Variants in ZNHIT3 observed in about 807,000 individuals in gnomAD.
ZNHIT3 encodes zinc finger HIT-type containing 3.
ZNHIT3 carries 27 observed loss-of-function variants against 19.9 expected under a neutral mutation model. That is an observed-to-expected ratio of 1.36 (90% CI 1.00 to 1.87). The LOEUF is 1.87. ZNHIT3 is among the 40% of genes most tolerant of loss of function. The pLI, the probability that ZNHIT3 is intolerant of heterozygous loss-of-function variation, is 0.00. For missense variants in ZNHIT3, 215 were observed against 185.6 expected (o/e 1.16, Z -0.92); for synonymous variants, 81 against 65.7 (o/e 1.23, Z -1.13).
intron 2 of ZNHIT3, chr17:36,490,516 G>C (rs530719096): frequency 6.6e-6 from 1 of 152,270 alleles, no homozygotes; most frequent in East Asian, 1.9e-4. Flanking sequence ...CCAAGTAGTG[G>C]TGATGCCTCC....
intron 2 of ZNHIT3, 30 bp downstream of exon 2, chr17:36,486,996 C>T (rs745814158): frequency 6.2e-7 from 1 of 1,610,006 alleles, no homozygotes; most frequent in Admixed American, 1.7e-5. Context: ...GCCCTCGTAC[C>T]ACTGCGCACG....
downstream of ZNHIT3, chr17:36,498,470 C>T (rs780142765): frequency 2.0e-5 from 32 of 1,613,938 alleles, no homozygotes; most frequent in African/African-American, 1.1e-4. Context: ...TGGTCTGCAG[C>T]GGCGAGGTGC....
chr17:36,493,018 G>A (rs896590597), intron 3 of ZNHIT3, 119 bp downstream of exon 3: 2 of 940,208 alleles, frequency 2.1e-6, no homozygotes, highest in Non-Finnish European at 3.4e-6. Flanking sequence ...GGAAGGAACA[G>A]CTTCCTTAGC....
intron 3 of ZNHIT3, chr17:36,493,147 G>T: frequency 1.8e-6 from 1 of 555,380 alleles, no homozygotes; most frequent in Non-Finnish European, 3.2e-6. Context: ...CATGGCTGTG[G>T]TTTGGGGGTT....
In ZNHIT3 at chr17:36,487,969, G is replaced by A. The variant is rs1218723577; in HGVS notation, c.118+1003G>A. Among the ~76,000 whole-genome samples, 5 of 151,358 alleles carry A rather than the reference G, an allele frequency of 3.3e-5. No homozygotes were observed. The East Asian group carries it at 9.8e-4, about 30-fold the overall frequency. Reference sequence around the variant, plus strand: ...CAAACAAAGCCAGGCGTGGTGGCCTGTGCCAGTGGTCCCAGCTACTCAGGA... The same window carrying A: ...CAAACAAAGCCAGGCGTGGTGGCCTATGCCAGTGGTCCCAGCTACTCAGGA... On this transcript the variant is annotated intron_variant, in intron 2 of 4. Transcript: ENST00000617429.
chr17:36,486,848 G>T, intron 1 of ZNHIT3, 63 bp downstream of exon 1: 1 of 1,592,572 alleles, frequency 6.3e-7, no homozygotes, highest in Non-Finnish European at 8.5e-7. Context: ...AGGGCGGGAG[G>T]CCGGGAGGCC....
chr17:36,487,858 C>G (rs538347253), intron 2 of ZNHIT3, among the ~76,000 whole-genome samples: 2 of 151,580 alleles, frequency 1.3e-5, no homozygotes, highest in South Asian at 4.2e-4. Context: ...AATCCCAGCA[C>G]TTTGGGAGGC....
rs2070806797 is a variant in ZNHIT3, at chr17:36,494,146, T to A, written c.286+140T>A. 6.2e-6 allele frequency: 4 copies of A among 643,816 alleles called. No homozygotes were observed. In the Admixed American group the frequency reaches 8.3e-5, roughly 13 times the overall value. The allele number at this position is 643,816 out of a possible 1,614,324, so 39.9% of individuals were successfully genotyped here. On this transcript the variant is annotated intron_variant, in intron 4 of 4. Coordinates refer to ENST00000617429, the MANE Select transcript of ZNHIT3 (RefSeq NM_004773.4). Reference sequence around the variant, plus strand: ...TATCTAGCCACATAATCTGTAAACATACAGGGTTTCACACCTCCCAGCCTG... The same window carrying A: ...TATCTAGCCACATAATCTGTAAACAAACAGGGTTTCACACCTCCCAGCCTG...
At chr17:36,494,062 T>C (rs1599156444) in intron 4 of ZNHIT3, 56 bp downstream of exon 4, 2 of 1,414,426 alleles carry the variant, frequency 1.4e-6, no homozygotes, top group Non-Finnish European at 2.0e-6. Flanking sequence ...GTTGTAAGGA[T>C]TGTGATTTTT....
chr17:36,496,282 A>T, downstream of ZNHIT3: 2 of 1,614,048 alleles, frequency 1.2e-6, no homozygotes, highest in Non-Finnish European at 1.7e-6. Context: ...AGAAGAGGTC[A>T]CGTGGATCAG....
chr17:36,497,516 T>G (rs1352076866), downstream of ZNHIT3: 5 of 984,788 alleles, frequency 5.1e-6, no homozygotes, highest in Non-Finnish European at 4.8e-6. Flanking sequence ...AAGTCTTGGG[T>G]AGTTTCTTTT....
intron 4 of ZNHIT3, among the ~76,000 whole-genome samples, chr17:36,494,556 A>G (rs913438176): frequency 2.0e-5 from 3 of 152,208 alleles, no homozygotes; most frequent in Admixed American, 2.0e-4. Flanking sequence ...TTACATGTGC[A>G]TGGGGTCTGT....
At chr17:36,496,325 C>T, downstream of ZNHIT3, 2 of 1,613,972 alleles carry the variant, frequency 1.2e-6, no homozygotes, top group East Asian at 4.5e-5. Context: ...TGATTAAAGC[C>T]TGTAATGCTG....
rs780513944 is a variant in ZNHIT3, at chr17:36,495,405, G to A, written c.*1G>A. ...GCCATCCCAGAATGAGGAGTCTTAA[G>A]ATGGATTATTGTGCTGCTTGCTCAA... On this transcript the variant is annotated 3_prime_UTR_variant, in exon 5 of 5. Coordinates refer to ENST00000617429, the MANE Select transcript of ZNHIT3 (RefSeq NM_004773.4). The A allele has an allele frequency of 1.3e-6, 2 of 1,598,384 alleles. No individual in the cohort carries two copies. The highest frequency in any genetic ancestry group is 4.5e-5 in the East Asian group (2 of 44,516).
Position 36,495,553 on chromosome 17 carries a change from T to TTGA in ZNHIT3, c.*152_*154dup, listed in dbSNP as rs971532413. 438 of 1,326,306 alleles carry TTGA rather than the reference T, an allele frequency of 3.3e-4. 2 individuals are homozygous for TTGA. Among genetic ancestry groups the TTGA allele is most frequent in the Non-Finnish European group, 3.0e-4 (313 of 1,041,692 alleles). The allele number at this position is 1,326,306 out of a possible 1,614,324, so 82.2% of individuals were successfully genotyped here. A position where few individuals can be genotyped will look rare whatever the true frequency, so the allele number is the denominator to read the frequency against. On this transcript the variant is annotated 3_prime_UTR_variant, in exon 5 of 5. Transcript: ENST00000617429. ...TAGGTCATGCAGGCCTTTACCGGCA[T>TTGA]TGATGTGGCTCATGTTTCAGGCAGA...
chr17:36,496,060 T>C, downstream of ZNHIT3: 1 of 856,438 alleles, frequency 1.2e-6, no homozygotes, highest in South Asian at 1.8e-5. Flanking sequence ...CCATCAGTGC[T>C]TGATGTAGCC....
Position 36,495,705 on chromosome 17 carries a change from ATGGAGT to A in ZNHIT3, c.*303_*308del. 1 of 1,256,482 alleles carries A rather than the reference ATGGAGT, an allele frequency of 8.0e-7. No homozygotes were observed. The highest frequency in any genetic ancestry group is 1.5e-5 in the African/African-American group (1 of 65,092). 77.8% of individuals were successfully genotyped at this position (1,256,482 alleles called of 1,614,324 possible). A position where few individuals can be genotyped will look rare whatever the true frequency, so the allele number is the denominator to read the frequency against. ...AAACGATATCAAGCTTACACTTCAT[ATGGAGT>A]TAAACTTGGTCAGTGTTAATAAAAT... On this transcript the variant is annotated 3_prime_UTR_variant, in exon 5 of 5. Transcript: ENST00000617429.
chr17:36,495,949 G>GTGAC, downstream of ZNHIT3: 3 of 962,110 alleles, frequency 3.1e-6, no homozygotes, highest in Non-Finnish European at 4.1e-6. Context: ...CCCCAGTGTA[G>GTGAC]TGACAGACAG....
chr17:36,498,650 T>C, downstream of ZNHIT3: 1 of 1,407,762 alleles, frequency 7.1e-7, no homozygotes, highest in Middle Eastern at 2.4e-4. Context: ...CAAATCATCT[T>C]AACAAGGTGA....
Sources: gnomAD v4.1 joint callset for allele counts (sites outside exome capture counted in the v4.1 genomes callset) on GRCh38, gnomAD v4.1.1 for gene constraint, MANE v1.5 for transcripts, NCBI Gene and HGNC (gene_info 2026-07-23, HGNC 2026-07-21) for gene names.